Variants in ZNF274 observed in about 807,000 individuals in gnomAD.
The protein encoded by ZNF274 is neurotrophin receptor-interacting factor homolog.
A neutral mutation model predicts 42.5 loss-of-function variants in ZNF274; 23 were observed. The ratio of observed to expected loss-of-function variants is 0.54; its 90% CI spans 0.39 to 0.77. The LOEUF (loss-of-function observed/expected upper bound fraction) is 0.77, where lower values mean the gene tolerates loss of function less well. Among genes scored for constraint, ZNF274 ranks in the 30% least tolerant of loss-of-function variants. ZNF274 has a pLI of 0.00. For synonymous variants in ZNF274, 292 were observed against 305.4 expected, an observed-to-expected ratio of 0.96 and a Z score of 0.46; for missense variants, 679 against 806.5, an observed-to-expected ratio of 0.84 and a Z score of 1.91.
intron 2 of ZNF274, 136 bp downstream of exon 2, chr19:58,184,134 A>C (rs2075667037): frequency 1.0e-6 from 1 of 978,934 alleles, no homozygotes; most frequent in Non-Finnish European, 1.5e-6. Flanking sequence ...TTGGTTGGGC[A>C]TGAGAGATCC....
At chr19:58,198,280 C>T (rs929565669) in intron 4 of ZNF274, among the ~76,000 whole-genome samples, 1 of 152,182 alleles carries the variant, frequency 6.6e-6, no homozygotes, top group Non-Finnish European at 1.5e-5. Flanking sequence ...AGATATTTTA[C>T]ATGTAGTTTT....
At chr19:58,198,369 TTAAAG>T (rs961511041) in intron 4 of ZNF274, among the ~76,000 whole-genome samples, 6 of 152,234 alleles carry the variant, frequency 3.9e-5, no homozygotes, top group African/African-American at 9.6e-5. Flanking sequence ...ATGTGTGTAC[TTAAAG>T]TATATGACAT....
intron 4 of ZNF274, among the ~76,000 whole-genome samples, chr19:58,205,842 T>C (rs2075973701): frequency 6.6e-6 from 1 of 152,224 alleles, no homozygotes; most frequent in African/African-American, 2.4e-5. Context: ...AGGTTCTTTT[T>C]CCTGTGACCA....
chr19:58,183,788 C>T (rs2075660919), intron 1 of ZNF274, 133 bp from the exon 2 acceptor site: 5 of 613,354 alleles, frequency 8.2e-6, no homozygotes, highest in East Asian at 5.7e-5. Flanking sequence ...TCCTATGACT[C>T]ACTCTGGGCG....
chr19:58,206,931 C>A lies in ZNF274; in HGVS notation c.468C>A (p.Asp156Glu), dbSNP rs1369284953. The change falls in exon 5 of 8, where the codon GAC becomes GAA. Residue 156 changes from aspartate to glutamate, a missense_variant. Physicochemically the swap from Asp to Glu is conservative, Grantham distance 45. Transcript: ENST00000617501. ...QVQQQGKHPG[D>E]PEAARQRFRQ... The stretch of plus-strand genomic sequence containing the variant: ...AACAGCAGGGCAAGCATCCAGGTGA[C>A]CCTGAGGCCGCGCGCCAGAGGTTCC... 2 of 1,612,680 alleles carry A rather than the reference C, an allele frequency of 1.2e-6. No homozygotes were observed. The highest frequency in any genetic ancestry group is 2.7e-5 in the African/African-American group (2 of 75,038).
chr19:58,183,443 G>C lies in ZNF274; in HGVS notation c.-46+1G>C, dbSNP rs1600125764. ...GGCGCCATTGTGCGGCGCGCGCCGG[G>C]TGAGTGCCGCGCGAAACCTGCGTCC... On this transcript the variant is annotated splice_donor_variant, in intron 1 of 7. Transcript: ENST00000617501. LOFTEE classifies it low-confidence loss of function (5UTR_SPLICE). 6.6e-6 allele frequency: 1 copy of C among 152,442 alleles called. No homozygotes were observed. The highest frequency in any genetic ancestry group is 1.5e-5 in the Non-Finnish European group (1 of 68,098). 9.4% of individuals were successfully genotyped at this position (152,442 alleles called of 1,614,324 possible).
rs752131902 is a variant in ZNF274 at position 58,212,083 on chromosome 19, A to C, written c.980-78A>C. ...AAAAAAAATCCTGACTTTTGAACTTAATTATGCATTTCATGCTCTCAGACC... is the reference window on the plus strand; with the variant it reads ...AAAAAAAATCCTGACTTTTGAACTTCATTATGCATTTCATGCTCTCAGACC... On this transcript the variant is annotated intron_variant, in intron 7 of 7. Transcript: ENST00000617501. The surrounding 1 kb of genome is among the most constrained non-coding windows in gnomAD (Gnocchi z 4.6). 17 of 1,483,756 alleles carry C rather than the reference A, an allele frequency of 1.1e-5. No homozygotes were observed. The highest frequency in any genetic ancestry group is 1.5e-5 in the Non-Finnish European group (17 of 1,117,774). 91.9% of individuals were successfully genotyped at this position (1,483,756 alleles called of 1,614,324 possible). A position where few individuals can be genotyped will look rare whatever the true frequency, so the allele number is the denominator to read the frequency against.
intron 4 of ZNF274, chr19:58,202,362 A>AT: frequency 2.0e-5 from 3 of 152,428 alleles, no homozygotes; most frequent in Admixed American, 2.0e-4. Context: ...AGCAGCTCCC[A>AT]TCAAGCCCTT....
intron 3 of ZNF274, 74 bp downstream of exon 3, chr19:58,185,912 G>A: frequency 7.7e-7 from 1 of 1,298,770 alleles, no homozygotes; most frequent in Non-Finnish European, 9.9e-7. Context: ...GTATGTGTCT[G>A]CTTGGGCTCA....
At chr19:58,200,178 G>A (rs2075893648) in intron 4 of ZNF274, among the ~76,000 whole-genome samples, 1 of 152,200 alleles carries the variant, frequency 6.6e-6, no homozygotes, top group South Asian at 2.1e-4. Context: ...GAGTGGGGCA[G>A]GTCTTACACC....
chr19:58,192,795 C>A (rs558841346), intron 4 of ZNF274, among the ~76,000 whole-genome samples: 3 of 152,252 alleles, frequency 2.0e-5, no homozygotes, highest in Admixed American at 2.0e-4. Context: ...CCCAGGCTGA[C>A]GTGTAGTGGC....
At chr19:58,204,729 T>TA (rs1465165941) in intron 4 of ZNF274, among the ~76,000 whole-genome samples, 2 of 152,174 alleles carry the variant, frequency 1.3e-5, no homozygotes, top group African/African-American at 4.8e-5. Context: ...TAAACTGTGT[T>TA]ACAACACTAC....
intron 2 of ZNF274, chr19:58,184,878 G>A (rs935470407): frequency 2.0e-5 from 3 of 152,056 alleles, no homozygotes; most frequent in Non-Finnish European, 4.4e-5. Flanking sequence ...AGCACTTTGG[G>A]AGGCCGAGGC....
intron 4 of ZNF274, 29 bp from the exon 5 acceptor site, chr19:58,206,691 A>T (rs761199623): frequency 6.5e-7 from 1 of 1,528,716 alleles, no homozygotes; most frequent in South Asian, 1.2e-5. Context: ...GCTTGTTCTC[A>T]TTTGTCTTGC....
rs1399536850 is a variant in ZNF274 at position 58,213,451 on chromosome 19, G to GTGTT, written c.*309_*310insGTTT. The stretch of plus-strand genomic sequence containing the variant: ...TTATATAATAACTTTAAAAAGCCAG[G>GTGTT]TAATTAATAATCTGCACTGATATTA... On this transcript the variant is annotated 3_prime_UTR_variant, in exon 8 of 8. Coordinates refer to ENST00000617501, the MANE Select transcript of ZNF274 (RefSeq NM_133502.3). 1.4e-5 allele frequency: 4 copies of GTGTT among 291,508 alleles called. No homozygotes were observed. The highest frequency in any genetic ancestry group is 6.4e-5 in the African/African-American group (3 of 46,830). 18.1% of individuals were successfully genotyped at this position (291,508 alleles called of 1,614,324 possible).
At chr19:58,192,112 A>G (rs1011248415) in intron 4 of ZNF274, among the ~76,000 whole-genome samples, 1 of 152,126 alleles carries the variant, frequency 6.6e-6, no homozygotes, top group Non-Finnish European at 1.5e-5. Flanking sequence ...GACATATAGG[A>G]TTGGTGGTGA....
At position 58,207,123 on chromosome 19, in the gene ZNF274, G is replaced by A. The variant is rs1270064940; in HGVS notation, c.660G>A (p.Trp220Ter). 6.2e-7 allele frequency: 1 copy of A among 1,613,718 alleles called. No homozygotes were observed. Among genetic ancestry groups the A allele is most frequent in the Non-Finnish European group, 8.5e-7 (1 of 1,179,876 alleles). Residue 220 changes from tryptophan to a stop codon, truncating the protein, a stop_gained, in exon 5 of 8, where the codon TGG becomes TGA. Coordinates refer to ENST00000617501, the MANE Select transcript of ZNF274 (RefSeq NM_133502.3). LOFTEE classifies it high-confidence loss of function. The surrounding 1 kb of genome is among the most constrained non-coding windows in gnomAD (Gnocchi z 5.6). Reference protein sequence around the residue: ...LGALPVKLRTWVESQHPENCQ... With the variant: ...LGALPVKLRT ...CACTGCCTGTGAAGCTCCGGACATG[G>A]GTGGAATCGCAGCACCCAGAGAACT...
rs768204056 is a variant in ZNF274 at position 58,188,118 on chromosome 19, C to CT, written c.256+1085dup. 5.9e-4 allele frequency among the ~76,000 whole-genome samples: 90 copies of CT among 151,502 alleles called. 2 individuals are homozygous for CT. The East Asian group carries it at 0.015, about 25-fold the overall frequency. On this transcript the variant is annotated intron_variant, in intron 4 of 7. Coordinates refer to ENST00000617501, the MANE Select transcript of ZNF274 (RefSeq NM_133502.3). ...TTACTGCAGAAAACTTCCTTGCATA[C>CT]TTTTTTTTTGCACGAACAAGTTGGT...
intron 4 of ZNF274, among the ~76,000 whole-genome samples, chr19:58,203,724 C>T (rs260414): frequency 1 from 151,725 of 152,362 alleles, 75,569 homozygotes; most frequent in Middle Eastern, 1. Context: ...GATCAGAGCA[C>T]TTATAAATGA....
Sources: allele counts gnomAD v4.1 joint callset (sites outside exome capture counted in the v4.1 genomes callset), GRCh38; gene constraint gnomAD v4.1.1; non-coding constraint Gnocchi (gnomAD v3.1); transcripts MANE v1.5; gene names NCBI Gene and HGNC (gene_info 2026-07-23, HGNC 2026-07-21).